WWC1: variants seen among roughly 807,000 people sequenced by gnomAD.
WWC1 encodes the protein WW and C2 domain containing 1.
In WWC1, 55 loss-of-function variants were observed where a neutral mutation model predicts 138.4. That is an observed-to-expected ratio of 0.40 (90% CI 0.32 to 0.50). The LOEUF (loss-of-function observed/expected upper bound fraction) is 0.50, where lower values mean the gene tolerates loss of function less well. Among genes scored for constraint, WWC1 ranks in the 20% least tolerant of loss-of-function variants. The pLI, the probability that WWC1 is intolerant of heterozygous loss-of-function variation, is 0.72. For synonymous variants in WWC1, 524 were observed against 564.9 expected, an observed-to-expected ratio of 0.93 and a Z score of 1.03; for missense variants, 1,226 against 1,420.4, an observed-to-expected ratio of 0.86 and a Z score of 2.20.
At chr5:168,401,322 T>A (rs1191452610) in intron 5 of WWC1, among the ~76,000 whole-genome samples, 1 of 152,134 alleles carries the variant, frequency 6.6e-6, no homozygotes, top group Non-Finnish European at 1.5e-5. Context: ...ATTTCTCCCT[T>A]CTAAGGGGGC....
Position 168,444,583 on chromosome 5 carries a change from C to T in WWC1, c.2523C>T (p.Ser841=). 6.2e-7 allele frequency: 1 copy of T among 1,613,164 alleles called. No individual in the cohort carries two copies. Among genetic ancestry groups the T allele is most frequent in the Non-Finnish European group, 8.5e-7 (1 of 1,179,794 alleles). Residue 841 remains serine (S), a splice_region_variant and synonymous_variant, in exon 17 of 23, where the codon AGC becomes AGT. Transcript: ENST00000265293. Reference sequence around the variant, plus strand: ...GCAGCACACAGACACTGGAAGACAGCTGGTGAGTGAGCCCGCCCTTGGGCC... The same window carrying T: ...GCAGCACACAGACACTGGAAGACAGTTGGTGAGTGAGCCCGCCCTTGGGCC... ...GRSSTQTLED[S]WRYEETSENE... is the part of the protein sequence containing the mutation.
intron 2 of WWC1, among the ~76,000 whole-genome samples, chr5:168,375,053 C>T (rs773491970): frequency 1.1e-4 from 16 of 152,168 alleles, no homozygotes; most frequent in Non-Finnish European, 1.8e-4. Flanking sequence ...TCAAGACTTA[C>T]ATGTCTATTA....
intron 2 of WWC1, among the ~76,000 whole-genome samples, chr5:168,372,275 G>A (rs1776821643): frequency 6.6e-6 from 1 of 152,052 alleles, no homozygotes; most frequent in African/African-American, 2.4e-5. Context: ...GCGGGGGAGA[G>A]TTGATGTGTG....
chr5:168,392,991 TAAA>T (rs1778620465), intron 3 of WWC1, among the ~76,000 whole-genome samples: 1 of 149,768 alleles, frequency 6.7e-6, no homozygotes, highest in Admixed American at 6.6e-5. Flanking sequence ...CTTCAGAGAA[TAAA>T]AAAGAGCTCA....
At chr5:168,403,871 TACACACACACAC>T (rs57788100) in intron 5 of WWC1, among the ~76,000 whole-genome samples, 22 of 134,368 alleles carry the variant, frequency 1.6e-4, no homozygotes, top group African/African-American at 4.0e-4. Context: ...AACACATGCA[TACACACACACAC>T]ACACACACAC....
intron 1 of WWC1, among the ~76,000 whole-genome samples, chr5:168,357,343 C>T (rs1230215930): frequency 6.7e-6 from 1 of 149,236 alleles, no homozygotes; most frequent in Non-Finnish European, 1.5e-5. Context: ...CTTTTTGGGC[C>T]AACTGGAAAT....
intron 9 of WWC1, chr5:168,416,263 T>G (rs1339298770): frequency 6.6e-6 from 1 of 152,236 alleles, no homozygotes; most frequent in Non-Finnish European, 1.5e-5. Context: ...CTCTCTTCCG[T>G]TCTTCATTGG....
intron 15 of WWC1, 101 bp from the exon 16 acceptor site, chr5:168,441,581 G>A (rs1268814835): frequency 1.6e-6 from 2 of 1,253,032 alleles, no homozygotes; most frequent in Non-Finnish European, 1.1e-6. Context: ...CCTCTCATCT[G>A]GAGTGGTGTT....
chr5:168,326,216 C>CTTTTTTTTTTTTTTTTTTTTTTTTTT (rs796347858), intron 1 of WWC1, among the ~76,000 whole-genome samples: 4 of 113,286 alleles, frequency 3.5e-5, no homozygotes, highest in African/African-American at 1.0e-4. Flanking sequence ...ACCTGATAGT[C>CTTTTTTTTTTTTTTTTTTTTTTTTTT]TTTTTTTTTT....
At chr5:168,391,689 G>A (rs1778514976) in intron 3 of WWC1, among the ~76,000 whole-genome samples, 1 of 142,432 alleles carries the variant, frequency 7.0e-6, no homozygotes, top group African/African-American at 2.6e-5. Context: ...ACTAAAAAAT[G>A]CCAGTTGAAT....
At chr5:168,337,528 C>T (rs1225134361) in intron 1 of WWC1, among the ~76,000 whole-genome samples, 1 of 152,162 alleles carries the variant, frequency 6.6e-6, no homozygotes, top group Non-Finnish European at 1.5e-5. Flanking sequence ...TCATCCTGCC[C>T]AAAATGTCAA....
chr5:168,380,710 G>A (rs758207237), intron 2 of WWC1, among the ~76,000 whole-genome samples: 12 of 152,228 alleles, frequency 7.9e-5, no homozygotes, highest in Non-Finnish European at 1.6e-4. Flanking sequence ...ATGCCCACAC[G>A]AAGACTTAGA....
Position 168,467,973 on chromosome 5 carries a change from A to C in WWC1, c.3275+9A>C. ...GAAGTTCAGTCTTTCAGGTAAGCAGAGGGCCCCGGCAGCCCCCCATCCCTT... is the reference window on the plus strand; with the variant it reads ...GAAGTTCAGTCTTTCAGGTAAGCAGCGGGCCCCGGCAGCCCCCCATCCCTT... On this transcript the variant is annotated intron_variant, in intron 22 of 22. Transcript: ENST00000265293. 1 of 1,614,006 alleles carries C rather than the reference A, an allele frequency of 6.2e-7. No homozygotes were observed. The highest frequency in any genetic ancestry group is 8.5e-7 in the Non-Finnish European group (1 of 1,179,856).
At chr5:168,300,573 G>C (rs974235365) in intron 1 of WWC1, among the ~76,000 whole-genome samples, 1 of 135,758 alleles carries the variant, frequency 7.4e-6, no homozygotes, top group Non-Finnish European at 1.6e-5. Context: ...TCACTCAATG[G>C]TCAGCCAGAA....
intron 1 of WWC1, among the ~76,000 whole-genome samples, chr5:168,296,544 C>G (rs1238569958): frequency 6.6e-6 from 1 of 152,128 alleles, no homozygotes; most frequent in Non-Finnish European, 1.5e-5. Context: ...AGGTTCATAA[C>G]CCCTGCCATA....
chr5:168,327,995 A>G (rs1772700826), intron 1 of WWC1, among the ~76,000 whole-genome samples: 1 of 152,190 alleles, frequency 6.6e-6, no homozygotes, highest in South Asian at 2.1e-4. Context: ...ACCCATTGAA[A>G]CGCTGCTGCT....
intron 11 of WWC1, 103 bp downstream of exon 11, chr5:168,424,171 C>A: frequency 7.3e-7 from 1 of 1,364,256 alleles, no homozygotes; most frequent in Non-Finnish European, 9.9e-7. Context: ...TTACTGACTG[C>A]TTCTGTGTGC....
intron 2 of WWC1, among the ~76,000 whole-genome samples, chr5:168,373,710 C>T (rs1381246404): frequency 9.1e-6 from 1 of 109,884 alleles, no homozygotes; most frequent in Non-Finnish European, 1.7e-5. Flanking sequence ...ATAGCAAGGC[C>T]TTGTCTCTTA....
intron 1 of WWC1, among the ~76,000 whole-genome samples, chr5:168,295,392 G>A (rs1013210703): frequency 3.9e-5 from 6 of 152,000 alleles, no homozygotes; most frequent in African/African-American, 1.4e-4. Flanking sequence ...GGGGGGTGGT[G>A]GGTTGGGGAG....
Sources: gnomAD v4.1 joint callset for allele counts (sites outside exome capture counted in the v4.1 genomes callset) on GRCh38, gnomAD v4.1.1 for gene constraint, MANE v1.5 for transcripts, NCBI Gene and HGNC (gene_info 2026-07-23, HGNC 2026-07-21) for gene names.